Variants in SH3RF3 observed in about 807,000 individuals in gnomAD.
SH3RF3 encodes the protein E3 ubiquitin-protein ligase SH3RF3.
Under a neutral mutation model 66.3 loss-of-function variants are expected in SH3RF3, and 29 were observed. The ratio of observed to expected loss-of-function variants is 0.44; its 90% CI spans 0.33 to 0.60. SH3RF3 has a LOEUF of 0.60. Among genes scored for constraint, SH3RF3 ranks in the 20% least tolerant of loss-of-function variants. SH3RF3 has a pLI of 0.04. For synonymous variants in SH3RF3, 583 were observed against 532.0 expected (o/e 1.10, Z -1.32); for missense variants, 1,194 against 1,190.9 (o/e 1.00, Z -0.04).
At chr2:109,217,956 G>A (rs542688352) in intron 1 of SH3RF3, among the ~76,000 whole-genome samples, 2 of 152,310 alleles carry the variant, frequency 1.3e-5, no homozygotes, top group East Asian at 1.9e-4. Flanking sequence ...TCCCTCGAGG[G>A]CTCTGCCTTG....
At chr2:109,278,435 T>C (rs7566145) in intron 1 of SH3RF3, among the ~76,000 whole-genome samples, 114,208 of 152,122 alleles carry the variant, frequency 0.75, 43,901 homozygotes, top group African/African-American at 0.92. Flanking sequence ...GTGTTCAGTG[T>C]TGTCTGTTCA....
chr2:109,186,046 G>T (rs1026967469), intron 1 of SH3RF3, among the ~76,000 whole-genome samples: 1 of 152,124 alleles, frequency 6.6e-6, no homozygotes, highest in Non-Finnish European at 1.5e-5. Context: ...ATCCTGTTTT[G>T]TATTTAACCC....
chr2:109,239,157 C>T (rs1054383229), intron 1 of SH3RF3, among the ~76,000 whole-genome samples: 2 of 152,078 alleles, frequency 1.3e-5, no homozygotes, highest in Non-Finnish European at 2.9e-5. Flanking sequence ...GCACTTTGAG[C>T]TTCCCCAGAC....
At chr2:109,317,074 C>T (rs867443434) in intron 1 of SH3RF3, among the ~76,000 whole-genome samples, 63 of 152,090 alleles carry the variant, frequency 4.1e-4, no homozygotes, top group African/African-American at 1.2e-3. Flanking sequence ...TGGTGGCTTC[C>T]GCATTCTGGC....
At chr2:109,485,960 G>T (rs1443898561) in intron 8 of SH3RF3, among the ~76,000 whole-genome samples, 1 of 152,220 alleles carries the variant, frequency 6.6e-6, no homozygotes, top group Non-Finnish European at 1.5e-5. Flanking sequence ...GGAAGGTGGG[G>T]GCTCACCTGG....
intron 6 of SH3RF3, among the ~76,000 whole-genome samples, chr2:109,435,621 G>A (rs937767578): frequency 4.6e-5 from 7 of 152,208 alleles, no homozygotes; most frequent in African/African-American, 1.4e-4. Context: ...ACTAGCCAAG[G>A]GTATCTCTGC....
At chr2:109,425,044 T>G (rs1481355925) in intron 5 of SH3RF3, among the ~76,000 whole-genome samples, 2 of 152,140 alleles carry the variant, frequency 1.3e-5, no homozygotes, top group Admixed American at 1.3e-4. Context: ...ACACACGAAT[T>G]ATAAGAAAGT....
At chr2:109,245,271 T>G (rs1001532386) in intron 1 of SH3RF3, among the ~76,000 whole-genome samples, 2 of 151,576 alleles carry the variant, frequency 1.3e-5, no homozygotes, top group African/African-American at 4.8e-5. Context: ...GAGACAGGAG[T>G]AGAGCTGTCT....
At chr2:109,202,263 G>A (rs558410557) in intron 1 of SH3RF3, among the ~76,000 whole-genome samples, 1 of 152,278 alleles carries the variant, frequency 6.6e-6, no homozygotes, top group African/African-American at 2.4e-5. Flanking sequence ...CTCCAGTGCT[G>A]CCTCCCAGGT....
At chr2:109,268,204 T>C (rs1574540464) in intron 1 of SH3RF3, among the ~76,000 whole-genome samples, 1 of 151,842 alleles carries the variant, frequency 6.6e-6, no homozygotes, top group South Asian at 2.1e-4. Context: ...CTAGAATAGG[T>C]TTATCTTCCC....
chr2:109,153,511 G>C (rs1009390491), intron 1 of SH3RF3, among the ~76,000 whole-genome samples: 1 of 152,222 alleles, frequency 6.6e-6, no homozygotes, highest in Non-Finnish European at 1.5e-5. Flanking sequence ...AAGGTCAAAA[G>C]CAGAGGAAGC....
chr2:109,472,841 G>C (rs993200672), intron 8 of SH3RF3, among the ~76,000 whole-genome samples: 5 of 152,164 alleles, frequency 3.3e-5, no homozygotes, highest in Non-Finnish European at 7.3e-5. Context: ...TATCCTAATG[G>C]ACAGGGTCGT....
rs185282238 is a variant in SH3RF3 at position 109,458,199 on chromosome 2, A to G, written c.2148+8710A>G. Among the ~76,000 whole-genome samples, 479 of 152,302 alleles carry G rather than the reference A, an allele frequency of 3.1e-3. 1 individual carries two copies. The highest frequency in any genetic ancestry group is 5.4e-3 in the Non-Finnish European group (370 of 68,022). On this transcript the variant is annotated intron_variant, in intron 8 of 9. Transcript: ENST00000309415. ...TGTGCTTGCTTATTAAATTCCTTCC[A>G]GGCCGCATCTTACTACATTATAGGA...
chr2:109,213,762 A>G (rs1679045937), intron 1 of SH3RF3, among the ~76,000 whole-genome samples: 2 of 152,122 alleles, frequency 1.3e-5, no homozygotes, highest in South Asian at 4.2e-4. Flanking sequence ...TTAAATAGGA[A>G]CGTGACGTGG....
intron 8 of SH3RF3, among the ~76,000 whole-genome samples, chr2:109,470,107 C>G (rs186600973): frequency 6.6e-6 from 1 of 152,346 alleles, no homozygotes; most frequent in East Asian, 1.9e-4. Context: ...CTAATGAAGA[C>G]AAAGCCACCT....
intron 5 of SH3RF3, among the ~76,000 whole-genome samples, chr2:109,420,252 C>G (rs1307191343): frequency 6.6e-6 from 1 of 152,178 alleles, no homozygotes; most frequent in Non-Finnish European, 1.5e-5. Context: ...AAGAATTAGA[C>G]TCCCTTTTGC....
At chr2:109,375,985 TC>T (rs1472641291) in intron 3 of SH3RF3, among the ~76,000 whole-genome samples, 1 of 152,180 alleles carries the variant, frequency 6.6e-6, no homozygotes, top group Non-Finnish European at 1.5e-5. Flanking sequence ...AGCCTCAGTT[TC>T]CCCCTTCAAA....
At position 109,501,638 on chromosome 2, in the gene SH3RF3, C is replaced by A. The variant is rs1473471090; in HGVS notation, c.2616C>A (p.Gly872=). The A allele has an allele frequency of 7.7e-6, 6 of 776,014 alleles. No homozygotes were observed. Among genetic ancestry groups the A allele is most frequent in the Non-Finnish European group, 1.2e-5 (5 of 416,084 alleles). The allele number at this position is 776,014 out of a possible 1,614,324, so 48.1% of individuals were successfully genotyped here. ...CCCTGCAGCGGAACGGCCGCACAGG[C>A]CTCTTCCCGGGCAGCTTCGTCGAGA... The part of the protein sequence containing the change: ...KGTLQRNGRT[G]LFPGSFVESF Residue 872 remains glycine (G), a synonymous_variant, in exon 10 of 10, where the codon GGC becomes GGA. Transcript: ENST00000309415.
At chr2:109,452,683 A>G (rs1303175307) in intron 8 of SH3RF3, among the ~76,000 whole-genome samples, 1 of 152,204 alleles carries the variant, frequency 6.6e-6, no homozygotes, top group Non-Finnish European at 1.5e-5. Flanking sequence ...GTGTGGTGTC[A>G]GTGGCTATGG....
Sources: gnomAD v4.1 joint callset for allele counts (sites outside exome capture counted in the v4.1 genomes callset) on GRCh38, gnomAD v4.1.1 for gene constraint, MANE v1.5 for transcripts, NCBI Gene and HGNC (gene_info 2026-07-23, HGNC 2026-07-21) for gene names.